CSMD1: variants seen among roughly 807,000 people sequenced by gnomAD.
CSMD1 encodes the protein CUB and Sushi multiple domains 1, also known as CUB and sushi domain-containing protein 1.
A neutral mutation model predicts 417.5 loss-of-function variants in CSMD1; 213 were observed. The ratio of observed to expected loss-of-function variants is 0.51; its 90% CI spans 0.46 to 0.57. CSMD1 has a LOEUF of 0.57. CSMD1 is among the 20% of genes least tolerant of loss of function. The pLI, the probability that CSMD1 is intolerant of heterozygous loss-of-function variation, is 0.00. For synonymous variants in CSMD1, 2,862 were observed against 1,736.8 expected (o/e 1.65, Z -16.11); for missense variants, 6,923 against 4,529.7 (o/e 1.53, Z -15.17).
intron 12 of CSMD1, among the ~76,000 whole-genome samples, chr8:3,438,723 T>G (rs1370462348): frequency 6.6e-6 from 1 of 152,164 alleles, no homozygotes; most frequent in Non-Finnish European, 1.5e-5. Context: ...CTACTATTAC[T>G]TATTATTATG....
intron 46 of CSMD1, among the ~76,000 whole-genome samples, chr8:3,100,772 G>A (rs764440135): frequency 1.3e-5 from 2 of 152,170 alleles, no homozygotes; most frequent in Admixed American, 1.3e-4. Context: ...TAGCAGATGA[G>A]GATTAGTACT....
chr8:3,702,302 T>C (rs1344211), intron 7 of CSMD1: 8 of 152,170 alleles, frequency 5.3e-5, no homozygotes, highest in Admixed American at 2.6e-4. Flanking sequence ...CAATATCGAA[T>C]TGGGCAAGTC....
At chr8:3,634,959 T>A (rs920917373) in intron 7 of CSMD1, among the ~76,000 whole-genome samples, 1 of 151,986 alleles carries the variant, frequency 6.6e-6, no homozygotes, top group Non-Finnish European at 1.5e-5. Context: ...TACTGAATAA[T>A]GCAGGCAACT....
intron 7 of CSMD1, among the ~76,000 whole-genome samples, chr8:3,694,497 T>C (rs1178784948): frequency 6.6e-6 from 1 of 152,002 alleles, no homozygotes; most frequent in Non-Finnish European, 1.5e-5. Context: ...TGGGAAAGCA[T>C]GTGCATAGAG....
chr8:3,528,665 G>C (rs1031279089), intron 10 of CSMD1, among the ~76,000 whole-genome samples: 1 of 152,076 alleles, frequency 6.6e-6, no homozygotes, highest in African/African-American at 2.4e-5. Context: ...TTGATTTCTG[G>C]GACATGGTGG....
chr8:3,002,007 G>C (rs1807445456), intron 52 of CSMD1, among the ~76,000 whole-genome samples: 1 of 152,186 alleles, frequency 6.6e-6, no homozygotes, highest in Non-Finnish European at 1.5e-5. Context: ...TTGCAGAGGA[G>C]AGAGACAGAA....
intron 18 of CSMD1, among the ~76,000 whole-genome samples, chr8:3,382,482 TATTTA>T (rs1810695616): frequency 6.9e-6 from 1 of 143,996 alleles, no homozygotes; most frequent in African/African-American, 2.5e-5. Context: ...ATAATCTATA[TATTTA>T]ATTAGTTATG....
At chr8:3,519,866 A>G (rs1797430203) in intron 10 of CSMD1, among the ~76,000 whole-genome samples, 2 of 152,080 alleles carry the variant, frequency 1.3e-5, no homozygotes, top group African/African-American at 4.8e-5. Flanking sequence ...CCACTAAAAT[A>G]GCAATTATTT....
chr8:4,328,217 A>G (rs1238778211), intron 3 of CSMD1, among the ~76,000 whole-genome samples: 1 of 148,994 alleles, frequency 6.7e-6, no homozygotes, highest in African/African-American at 2.5e-5. Flanking sequence ...AATTCTACAC[A>G]CCCAATTACA....
At chr8:4,621,518 T>C (rs1397921862) in intron 2 of CSMD1, among the ~76,000 whole-genome samples, 2 of 152,138 alleles carry the variant, frequency 1.3e-5, no homozygotes, top group Non-Finnish European at 2.9e-5. Context: ...AGAGACAATC[T>C]ATACAGCCCT....
intron 1 of CSMD1, among the ~76,000 whole-genome samples, chr8:4,965,131 G>C (rs765227784): frequency 6.6e-6 from 1 of 152,132 alleles, no homozygotes; most frequent in East Asian, 1.9e-4. Flanking sequence ...CTGTTCTGAA[G>C]ATACAAGCAA....
chr8:3,872,355 C>G (rs116302181), intron 5 of CSMD1, among the ~76,000 whole-genome samples: 1 of 152,158 alleles, frequency 6.6e-6, no homozygotes, highest in Non-Finnish European at 1.5e-5. Context: ...GTGCCAGGTG[C>G]TGTGTTGGCA....
chr8:3,308,489 T>C lies in CSMD1; in HGVS notation c.3646A>G (p.Lys1216Glu), dbSNP rs969292333. ...QLTYTSFDLV[K>E]CEDPGIPNYG... Reference sequence around the variant, plus strand: ...TTAGGGATGCCCGGATCCTCACATTTTACCAGATCAAAACCTGCAAGAGAG... The same window carrying C: ...TTAGGGATGCCCGGATCCTCACATTCTACCAGATCAAAACCTGCAAGAGAG... Residue 1216 changes from lysine (K) to glutamate (E), a missense_variant, in exon 24 of 70, where the codon AAA (lysine) becomes GAA (glutamate). By Grantham distance (56) the Lys-to-Glu change is moderately conservative (BLOSUM62 1). Coordinates refer to ENST00000635120, the MANE Select transcript of CSMD1 (RefSeq NM_033225.6). 1.2e-6 allele frequency: 2 copies of C among 1,611,980 alleles called. No homozygotes were observed. Among genetic ancestry groups the C allele is most frequent in the Non-Finnish European group, 8.5e-7 (1 of 1,178,768 alleles).
chr8:4,567,084 A>T (rs1798649885), intron 2 of CSMD1, among the ~76,000 whole-genome samples: 1 of 151,676 alleles, frequency 6.6e-6, no homozygotes, highest in South Asian at 2.1e-4. Context: ...TAAATTTATT[A>T]ATCTGTATTT....
At chr8:4,949,439 T>C (rs540994617) in intron 1 of CSMD1, among the ~76,000 whole-genome samples, 8 of 152,364 alleles carry the variant, frequency 5.3e-5, no homozygotes, top group Non-Finnish European at 8.8e-5. Flanking sequence ...GTATGCTGTA[T>C]TATTTATAGA....
intron 2 of CSMD1, among the ~76,000 whole-genome samples, chr8:4,527,870 A>G (rs1184910297): frequency 6.6e-6 from 1 of 152,182 alleles, no homozygotes; most frequent in Non-Finnish European, 1.5e-5. Flanking sequence ...TCTTAGTTCT[A>G]TGAAATCAGA....
intron 10 of CSMD1, among the ~76,000 whole-genome samples, chr8:3,511,518 G>A (rs755908957): frequency 1.3e-5 from 2 of 151,672 alleles, no homozygotes; most frequent in Non-Finnish European, 1.5e-5. Context: ...ACTTTGGGAG[G>A]CCGAGGCAGG....
intron 68 of CSMD1, among the ~76,000 whole-genome samples, chr8:2,944,286 T>C (rs1490575143): frequency 2.6e-5 from 4 of 152,154 alleles, no homozygotes; most frequent in Non-Finnish European, 4.4e-5. Context: ...TGGTTTAAAA[T>C]TTGTTCCATG....
intron 3 of CSMD1, among the ~76,000 whole-genome samples, chr8:4,184,458 A>G (rs1798551553): frequency 6.6e-6 from 1 of 152,164 alleles, no homozygotes; most frequent in Non-Finnish European, 1.5e-5. Flanking sequence ...CATGAAATCA[A>G]CCTCAAAGGC....
Sources: allele counts gnomAD v4.1 joint callset (sites outside exome capture counted in the v4.1 genomes callset), GRCh38; gene constraint gnomAD v4.1.1; transcripts MANE v1.5; gene names NCBI Gene and HGNC (gene_info 2026-07-23, HGNC 2026-07-21).